The following DDHD2 variants were observed in gnomAD, a reference collection of about 807,000 sequenced individuals.
DDHD2 encodes the protein triacylglycerol hydrolase DDHD2.
Under a neutral mutation model 91.2 loss-of-function variants are expected in DDHD2, and 62 were observed. The ratio of observed to expected loss-of-function variants is 0.68; its 90% CI spans 0.55 to 0.84. The LOEUF is 0.84. Ranked by LOEUF, DDHD2 falls within the 40% of genes least tolerant of loss-of-function variation. The pLI, the probability that DDHD2 is intolerant of heterozygous loss-of-function variation, is 0.00. For missense variants in DDHD2, 740 were observed against 846.9 expected (o/e 0.87, Z 1.57); for synonymous variants, 271 against 293.9 (o/e 0.92, Z 0.80).
At chr8:38,272,699 A>G (rs1476998059), downstream of DDHD2, 1 of 152,362 alleles carries the variant, frequency 6.6e-6, no homozygotes, top group East Asian at 1.9e-4. Context: ...TGCTGCTTTA[A>G]GTTATTTCAT....
intron 1 of DDHD2, chr8:38,269,231 ACGTGGC>A: frequency 6.9e-7 from 1 of 1,451,164 alleles, no homozygotes; most frequent in Non-Finnish European, 9.0e-7. Flanking sequence ...CGCTGCGCTG[ACGTGGC>A]CACCTCCGCG....
In DDHD2 at chr8:38,268,220, C is replaced by A. The variant is rs954259123; in HGVS notation, n.88-2902C>A. The stretch of plus-strand genomic sequence containing the variant: ...CCGTGTAGCCTGCGTAACCAAGTCC[C>A]TGCAGTGCTATTTTCCTCTCCCGCG... On this transcript the variant is annotated intron_variant and non_coding_transcript_variant, in intron 1 of 1. Transcript: ENST00000526071. The A allele has an allele frequency of 2.8e-6, 3 of 1,052,986 alleles. No homozygotes were observed. In the Admixed American group the frequency reaches 8.2e-5, roughly 29 times the overall value. 65.2% of individuals were successfully genotyped at this position (1,052,986 alleles called of 1,614,324 possible). A position where few individuals can be genotyped will look rare whatever the true frequency, so the allele number is the denominator to read the frequency against.
At position 38,267,886 on chromosome 8, in the gene DDHD2, T is replaced by C. The variant is rs372778510; in HGVS notation, n.88-3236T>C. 44 of 1,613,896 alleles carry C rather than the reference T, an allele frequency of 2.7e-5. No individual in the cohort carries two copies. The African/African-American group carries it at 5.3e-4, about 20-fold the overall frequency. ...AGGCAGATGCTGGGGTGGTTAGCTG[T>C]TGTCACTTACCTCCCTACGATCAGT... On this transcript the variant is annotated intron_variant and non_coding_transcript_variant, in intron 1 of 1. Coordinates refer to the DDHD2 transcript ENST00000526071.
intron 1 of DDHD2, chr8:38,269,054 G>T (rs533667637): frequency 1.3e-6 from 2 of 1,525,298 alleles, no homozygotes; most frequent in Non-Finnish European, 1.8e-6. Context: ...CCCACTGCCC[G>T]ACCCGCCGCC....
At chr8:38,247,633 A>G (rs914460337) in intron 9 of DDHD2, 80 bp from the exon 10 acceptor site, 3 of 866,800 alleles carry the variant, frequency 3.5e-6, no homozygotes, top group East Asian at 2.9e-5. Flanking sequence ...GTGGAAATCT[A>G]TGTATTTCTT....
At position 38,231,669 on chromosome 8, in the gene DDHD2, C is replaced by T. The variant is rs1460926028; in HGVS notation, c.-199C>T. ...GCTCCCCGCCGCCTCACCTTTTCGC[C>T]TGGCATCCGGGCCCGCTACTCGCCC... On this transcript the variant is annotated 5_prime_UTR_variant, in exon 1 of 18. Coordinates refer to ENST00000397166, the MANE Select transcript of DDHD2 (RefSeq NM_015214.3). 1 of 152,302 alleles carries T rather than the reference C, an allele frequency of 6.6e-6. No individual in the cohort carries two copies. The highest frequency in any genetic ancestry group is 1.9e-4 in the East Asian group (1 of 5,170). The allele number at this position is 152,302 out of a possible 1,614,324, so 9.4% of individuals were successfully genotyped here.
intron 3 of DDHD2, among the ~76,000 whole-genome samples, chr8:38,235,730 A>C (rs1198326240): frequency 2.6e-5 from 4 of 151,588 alleles, no homozygotes; most frequent in Admixed American, 6.6e-5. Context: ...AAAAAAAAAA[A>C]AAAAAACTGG....
At chr8:38,246,083 G>C in intron 8 of DDHD2, 133 bp downstream of exon 8, 3 of 1,118,816 alleles carry the variant, frequency 2.7e-6, no homozygotes, top group Admixed American at 4.0e-5. Flanking sequence ...AATTTGGAAG[G>C]GGTTGGAAGG....
chr8:38,268,185 G>C, intron 1 of DDHD2: 2 of 1,170,818 alleles, frequency 1.7e-6, no homozygotes, highest in Non-Finnish European at 2.3e-6. Context: ...TTTAGGCACA[G>C]GGCTGCCTGC....
rs1807082342 is a variant in DDHD2, at chr8:38,262,168, T to C, written c.*1595T>C. 6.6e-6 allele frequency: 1 copy of C among 152,196 alleles called. No homozygotes were observed. The highest frequency in any genetic ancestry group is 2.4e-5 in the African/African-American group (1 of 41,446). The allele number at this position is 152,196 out of a possible 1,614,324, so 9.4% of individuals were successfully genotyped here. A position where few individuals can be genotyped will look rare whatever the true frequency, so the allele number is the denominator to read the frequency against. On this transcript the variant is annotated 3_prime_UTR_variant, in exon 18 of 18. Transcript: ENST00000397166. ...TAAGTTTCAGATATATGGAATACTT[T>C]ATTTTTTTAAAGGTATATAAACTCT...
downstream of DDHD2, chr8:38,272,688 A>C (rs540011138): frequency 3.3e-5 from 5 of 152,372 alleles, no homozygotes; most frequent in South Asian, 1.0e-3. Context: ...CCATTAGCCC[A>C]TGCTGCTTTA....
intron 1 of DDHD2, chr8:38,267,896 C>A (rs773131036): frequency 1.2e-6 from 2 of 1,614,000 alleles, no homozygotes; most frequent in East Asian, 2.2e-5. Context: ...TTGTCACTTA[C>A]CTCCCTACGA....
chr8:38,253,839 G>GCCTCCCAAAGTGCT, intron 16 of DDHD2, 121 bp downstream of exon 16: 1 of 999,608 alleles, frequency 1.0e-6, no homozygotes, highest in Non-Finnish European at 1.5e-6. Context: ...CAGCACTTTG[G>GCCTCCCAAAGTGCT]GAGGCCAAGG....
At chr8:38,235,866 T>TACATGCGCAC (rs1471952455) in intron 3 of DDHD2, among the ~76,000 whole-genome samples, 4 of 85,986 alleles carry the variant, frequency 4.7e-5, no homozygotes, top group African/African-American at 1.7e-4. Flanking sequence ...CAAAAAAAAG[T>TACATGCGCAC]ACACGCGCAC....
chr8:38,234,672 C>G, intron 3 of DDHD2, 88 bp downstream of exon 3: 1 of 1,180,642 alleles, frequency 8.5e-7, no homozygotes, highest in Admixed American at 2.8e-5. Flanking sequence ...TGTGAAATTT[C>G]CAGAAAGACT....
chr8:38,269,083 TG>T, intron 1 of DDHD2: 1 of 1,527,460 alleles, frequency 6.5e-7, no homozygotes, highest in Non-Finnish European at 8.8e-7. Flanking sequence ...CCCGCCTGCC[TG>T]GGAAGCGGGG....
intron 5 of DDHD2, chr8:38,238,518 T>C (rs1804983621): frequency 9.1e-7 from 1 of 1,099,260 alleles, no homozygotes; most frequent in Non-Finnish European, 1.1e-6. Context: ...TAGAAATTTA[T>C]ACCTGGTAAT....
At chr8:38,258,203 A>G (rs952842465) in intron 16 of DDHD2, among the ~76,000 whole-genome samples, 5 of 151,542 alleles carry the variant, frequency 3.3e-5, no homozygotes, top group Admixed American at 2.6e-4. Flanking sequence ...TTTTTTCCCC[A>G]CGTCTCAACA....
chr8:38,234,799 G>T (rs189934592), intron 3 of DDHD2, among the ~76,000 whole-genome samples: 3 of 145,572 alleles, frequency 2.1e-5, no homozygotes, highest in Non-Finnish European at 4.5e-5. Context: ...ACGGAGTCTC[G>T]CTCTGTTGCC....
Sources: gnomAD v4.1 joint callset for allele counts (sites outside exome capture counted in the v4.1 genomes callset) on GRCh38, gnomAD v4.1.1 for gene constraint, MANE v1.5 for transcripts, NCBI Gene and HGNC (gene_info 2026-07-23, HGNC 2026-07-21) for gene names.